UVSSA: variants seen among roughly 807,000 people sequenced by gnomAD.
The protein encoded by UVSSA is UV stimulated scaffold protein A.
A neutral mutation model predicts 73.9 loss-of-function variants in UVSSA; 72 were observed. That is an observed-to-expected ratio of 0.97 (90% CI 0.81 to 1.19). The LOEUF is 1.19. Among genes scored for constraint, UVSSA ranks in the 50% most tolerant of loss-of-function variants. The probability of loss-of-function intolerance (pLI) is 0.00; values close to 1 mark genes in which losing one functional copy is unlikely to be tolerated. For synonymous variants in UVSSA, 454 were observed against 391.3 expected (o/e 1.16, Z -1.89); for missense variants, 1,150 against 965.0 (o/e 1.19, Z -2.54).
rs551537021 is a variant in UVSSA, at chr4:1,351,621, C to T, written c.430-94C>T. 1.7e-4 allele frequency: 228 copies of T among 1,347,068 alleles called. 5 individuals are homozygous for T. In the South Asian group the frequency reaches 2.7e-3, roughly 16 times the overall value. 83.4% of individuals were successfully genotyped at this position (1,347,068 alleles called of 1,614,324 possible). On this transcript the variant is annotated intron_variant, in intron 3 of 13. Coordinates refer to ENST00000389851, the MANE Select transcript of UVSSA (RefSeq NM_020894.4). ...AGCCAGGATGGTCTCGATCTCCTGA[C>T]CTCGTGATCTGCCTGCCTCAGCCTC...
At chr4:1,352,258 A>G (rs1202395371) in intron 4 of UVSSA, among the ~76,000 whole-genome samples, 2 of 152,094 alleles carry the variant, frequency 1.3e-5, no homozygotes, top group African/African-American at 2.4e-5. Context: ...GAGTGTGAGG[A>G]GGGGGTGCCA....
chr4:1,346,665 A>C (rs546584030), upstream of UVSSA, among the ~76,000 whole-genome samples: 45 of 151,964 alleles, frequency 3.0e-4, no homozygotes, highest in East Asian at 5.1e-3. Flanking sequence ...GCGCGGGGCG[A>C]GCTCGGGGGC....
Position 1,362,023 on chromosome 4 carries a change from CCCTTCA to C in UVSSA, c.1177-4295_1177-4290del, listed in dbSNP as rs1465853242. On this transcript the variant is annotated intron_variant, in intron 7 of 13. Coordinates refer to ENST00000389851, the MANE Select transcript of UVSSA (RefSeq NM_020894.4). Reference sequence around the variant, plus strand: ...GCCTGTGTGTGGCGGACAGACCTGCCCCTTCACACGGCCTCTCCTCTTCCTTTCCTT... The same window carrying C: ...GCCTGTGTGTGGCGGACAGACCTGCCCACGGCCTCTCCTCTTCCTTTCCTT... 2.6e-5 allele frequency among the ~76,000 whole-genome samples: 4 copies of C among 152,280 alleles called. No homozygotes were observed. In the East Asian group the frequency reaches 7.7e-4, roughly 29 times the overall value.
At chr4:1,373,920 C>T (rs1295349450) in intron 8 of UVSSA, among the ~76,000 whole-genome samples, 1 of 152,188 alleles carries the variant, frequency 6.6e-6, no homozygotes, top group Admixed American at 6.5e-5. Flanking sequence ...TCTTCAGGAT[C>T]CCCTCACTTC....
intron 3 of UVSSA, among the ~76,000 whole-genome samples, chr4:1,351,163 T>G (rs1219684388): frequency 6.6e-6 from 1 of 150,624 alleles, no homozygotes; most frequent in Non-Finnish European, 1.5e-5. Context: ...CCTCCCGGGT[T>G]CACGCCATTC....
chr4:1,362,885 C>T (rs889817597), intron 7 of UVSSA, among the ~76,000 whole-genome samples: 8 of 152,210 alleles, frequency 5.3e-5, no homozygotes, highest in African/African-American at 1.7e-4. Flanking sequence ...GGCCTGTGAA[C>T]AGCCACACAG....
In UVSSA at chr4:1,380,998, G is replaced by A; in HGVS notation, c.1861+10G>A. On this transcript the variant is annotated intron_variant, in intron 12 of 13. Coordinates refer to ENST00000389851, the MANE Select transcript of UVSSA (RefSeq NM_020894.4). ...AAGCAGGAGCGCCCGGGTAGGTCTG[G>A]GCAAGGCGGTCACCGTGGGAGGCAC... is the stretch of plus-strand genomic sequence containing the variant. 1 of 1,610,196 alleles carries A rather than the reference G, an allele frequency of 6.2e-7. No homozygotes were observed.
intron 3 of UVSSA, 44 bp downstream of exon 3, chr4:1,349,898 G>T (rs778046949): frequency 5.5e-6 from 8 of 1,463,474 alleles, no homozygotes; most frequent in Non-Finnish European, 7.3e-6. Context: ...GTTACCTGAC[G>T]TGAGGAGGGC....
chr4:1,393,497 G>A (rs1208120735), exon 14 of UVSSA: 1 of 152,138 alleles, frequency 6.6e-6, no homozygotes, highest in Non-Finnish European at 1.5e-5. Context: ...AGAGGTTGCA[G>A]TGAGCCAGGA....
At position 1,364,298 on chromosome 4, in the gene UVSSA, G is replaced by A. The variant is rs1308389302; in HGVS notation, c.1177-2022G>A. ...GGCAGGGTGCTGGTGCCCGGGCCCC[G>A]TGGCATTGTGTGGCCTGGCTCCGTG... is the stretch of plus-strand genomic sequence containing the variant. On this transcript the variant is annotated intron_variant, in intron 7 of 13. Coordinates refer to ENST00000389851, the MANE Select transcript of UVSSA (RefSeq NM_020894.4). 7.2e-5 allele frequency among the ~76,000 whole-genome samples: 10 copies of A among 138,812 alleles called. 1 individual carries two copies. Among genetic ancestry groups the A allele is most frequent in the South Asian group, 2.3e-4 (1 of 4,314 alleles). 91.1% of individuals were successfully genotyped at this position (138,812 alleles called of 152,430 possible). A position where few individuals can be genotyped will look rare whatever the true frequency, so the allele number is the denominator to read the frequency against.
intron 7 of UVSSA, among the ~76,000 whole-genome samples, chr4:1,360,742 C>T (rs1018201244): frequency 3.9e-5 from 6 of 152,228 alleles, no homozygotes; most frequent in Admixed American, 2.6e-4. Context: ...TTCATTTTCC[C>T]GAGCCCAGAG....
rs970435552 is a variant in UVSSA, at chr4:1,348,403, GCTTCT to G, written c.98+219_98+223del. On this transcript the variant is annotated intron_variant, in intron 2 of 13. Transcript: ENST00000389851. ...GGGACCCCACTGCTCTGTGGTTGGT[GCTTCT>G]CTTCATTCCCATTTGTGTGGTCTGG... Among the ~76,000 whole-genome samples, 7 of 152,374 alleles carry G rather than the reference GCTTCT, an allele frequency of 4.6e-5. No individual in the cohort carries two copies. In the South Asian group the frequency reaches 1.4e-3, roughly 32 times the overall value.
exon 14 of UVSSA, chr4:1,395,923 C>A: frequency 6.4e-7 from 1 of 1,563,206 alleles, no homozygotes; most frequent in South Asian, 1.2e-5. Context: ...ATTTGTTAGC[C>A]TGGTGCTTTT....
chr4:1,363,541 C>A (rs1413513778), intron 7 of UVSSA, among the ~76,000 whole-genome samples: 1 of 152,186 alleles, frequency 6.6e-6, no homozygotes, highest in East Asian at 1.9e-4. Flanking sequence ...CCACATCTAC[C>A]TTTTAGAAAA....
chr4:1,362,396 C>G (rs970628725), intron 7 of UVSSA, among the ~76,000 whole-genome samples: 1 of 152,212 alleles, frequency 6.6e-6, no homozygotes, highest in South Asian at 2.1e-4. Context: ...GGTGTGGGCA[C>G]GGGTCACAGC....
rs1720160234 is a variant in UVSSA at position 1,386,848 on chromosome 4, G to C, written c.*887G>C. The C allele has an allele frequency of 6.6e-6, 1 of 151,992 alleles. No individual in the cohort carries two copies. Among genetic ancestry groups the C allele is most frequent in the Non-Finnish European group, 1.5e-5 (1 of 68,052 alleles). The allele number at this position is 151,992 out of a possible 1,614,324, so 9.4% of individuals were successfully genotyped here. On this transcript the variant is annotated 3_prime_UTR_variant, in exon 14 of 14. Transcript: ENST00000389851. ...TCCTTCCACGTCAGCCTCCCAGGTA[G>C]CTGGGACTACAGGCACACACCACAA...
chr4:1,353,163 C>A lies in UVSSA; in HGVS notation c.684C>A (p.Arg228=). ...CTTCTGGCATGTCCGATGCCCTTCG[C>A]TCCTCCTGCGCGGGCCAGGTGGGCC... ...GMASGMSDAL[R]SSCAGQVGPC... is the part of the protein sequence containing the mutation. Residue 228 remains arginine, a synonymous_variant, in exon 5 of 14, where the codon CGC becomes CGA. Transcript: ENST00000389851. 6.2e-7 allele frequency: 1 copy of A among 1,612,980 alleles called. No homozygotes were observed. Among genetic ancestry groups the A allele is most frequent in the East Asian group, 2.2e-5 (1 of 44,882 alleles).
intron 10 of UVSSA, among the ~76,000 whole-genome samples, chr4:1,379,403 C>G (rs1164507158): frequency 6.6e-6 from 1 of 152,244 alleles, no homozygotes; most frequent in Non-Finnish European, 1.5e-5. Flanking sequence ...ACACCCAGCC[C>G]CCCCATCCCA....
At chr4:1,356,473 C>T (rs757953528) in intron 7 of UVSSA, 1 of 152,256 alleles carries the variant, frequency 6.6e-6, no homozygotes, top group African/African-American at 2.4e-5. Context: ...CTGGCCTCGC[C>T]GCTGGTGTGT....
Sources: allele counts gnomAD v4.1 joint callset (sites outside exome capture counted in the v4.1 genomes callset), GRCh38; gene constraint gnomAD v4.1.1; transcripts MANE v1.5; gene names NCBI Gene and HGNC (gene_info 2026-07-23, HGNC 2026-07-21).